Variants in AGBL1 observed in about 807,000 individuals in gnomAD.
AGBL1 encodes AGBL carboxypeptidase 1, also known as cytosolic carboxypeptidase 4.
A neutral mutation model predicts 118.9 loss-of-function variants in AGBL1; 130 were observed. The ratio of observed to expected loss-of-function variants is 1.09; its 90% CI spans 0.95 to 1.26. The LOEUF is 1.26. AGBL1 is among the 50% of genes most tolerant of loss of function. The pLI is 0.00. For synonymous variants in AGBL1, 555 were observed against 478.9 expected, an observed-to-expected ratio of 1.16 and a Z score of -2.08; for missense variants, 1,584 against 1,298.1, an observed-to-expected ratio of 1.22 and a Z score of -3.38.
At position 86,670,956 on chromosome 15, in the gene AGBL1, C is replaced by G. The variant is rs139347656; in HGVS notation, c.2995-3317C>G. 6.8e-3 allele frequency among the ~76,000 whole-genome samples: 1,036 copies of G among 152,074 alleles called. 9 individuals are homozygous for G. Among genetic ancestry groups the G allele is most frequent in the East Asian group, 0.021 (106 of 5,136 alleles). On this transcript the variant is annotated intron_variant, in intron 21 of 22. Coordinates refer to ENST00000614907, the MANE Select transcript of AGBL1 (RefSeq NM_001386094.1). ...TACTGGTTAGCTTTGCTTACTAATA[C>G]TGTGCAGACATAGGGACCTATATTT... is the stretch of plus-strand genomic sequence containing the variant.
intron 22 of AGBL1, among the ~76,000 whole-genome samples, chr15:86,904,493 G>A (rs2080254214): frequency 6.7e-6 from 1 of 150,188 alleles, no homozygotes; most frequent in Admixed American, 6.6e-5. Flanking sequence ...GGGCAAATAA[G>A]TGAGAGATAA....
At chr15:86,292,728 G>A (rs2079566942) in intron 16 of AGBL1, among the ~76,000 whole-genome samples, 1 of 152,100 alleles carries the variant, frequency 6.6e-6, no homozygotes, top group African/African-American at 2.4e-5. Context: ...TAAGATTGGT[G>A]GACACTGTAA....
intron 5 of AGBL1, among the ~76,000 whole-genome samples, chr15:86,198,023 G>A (rs1187701455): frequency 6.6e-6 from 1 of 152,150 alleles, no homozygotes; most frequent in African/African-American, 2.4e-5. Flanking sequence ...GTTTCAAGAG[G>A]CCAAGCTATC....
At chr15:86,783,207 T>G (rs1384928375) in intron 22 of AGBL1, among the ~76,000 whole-genome samples, 1 of 152,206 alleles carries the variant, frequency 6.6e-6, no homozygotes, top group Non-Finnish European at 1.5e-5. Context: ...TCCCTTCTTG[T>G]TAATCCATTT....
chr15:86,956,778 T>G (rs1179052488), intron 23 of AGBL1, among the ~76,000 whole-genome samples: 2 of 152,036 alleles, frequency 1.3e-5, no homozygotes, highest in Non-Finnish European at 2.9e-5. Flanking sequence ...GATTACTATT[T>G]AGCAATGAGA....
At chr15:86,528,352 C>T (rs2083297146) in intron 19 of AGBL1, among the ~76,000 whole-genome samples, 1 of 152,200 alleles carries the variant, frequency 6.6e-6, no homozygotes, top group African/African-American at 2.4e-5. Context: ...GTGACGGACG[C>T]ACCTGGAAAA....
chr15:86,685,971 T>G (rs2575873), intron 22 of AGBL1, among the ~76,000 whole-genome samples: 88 of 152,014 alleles, frequency 5.8e-4, no homozygotes, highest in Non-Finnish European at 1.2e-3. Flanking sequence ...GGGAAATATA[T>G]GTGAAAGTAA....
At chr15:86,501,219 T>C (rs925488820) in intron 18 of AGBL1, among the ~76,000 whole-genome samples, 5 of 151,690 alleles carry the variant, frequency 3.3e-5, no homozygotes, top group Non-Finnish European at 7.4e-5. Context: ...AAATGGTATC[T>C]TTTTGTAATT....
intron 23 of AGBL1, among the ~76,000 whole-genome samples, chr15:86,930,906 G>C (rs776150437): frequency 6.6e-6 from 1 of 152,172 alleles, no homozygotes; most frequent in Non-Finnish European, 1.5e-5. Context: ...CGAGATGTCT[G>C]ATTCCCTATA....
chr15:86,342,780 G>A (rs2080481100), intron 17 of AGBL1, among the ~76,000 whole-genome samples: 1 of 152,124 alleles, frequency 6.6e-6, no homozygotes, highest in Admixed American at 6.5e-5. Flanking sequence ...AATACCTGAT[G>A]TAAGTAGGTA....
At chr15:86,416,907 A>G (rs1321955317) in intron 18 of AGBL1, among the ~76,000 whole-genome samples, 1 of 152,238 alleles carries the variant, frequency 6.6e-6, no homozygotes, top group Admixed American at 6.5e-5. Flanking sequence ...TCAAAAGACA[A>G]TGGACTCTTC....
At chr15:86,193,060 C>A (rs1258446416) in intron 5 of AGBL1, among the ~76,000 whole-genome samples, 1 of 152,042 alleles carries the variant, frequency 6.6e-6, no homozygotes, top group African/African-American at 2.4e-5. Context: ...ATAAATATAA[C>A]TGCAGAAATG....
intron 18 of AGBL1, among the ~76,000 whole-genome samples, chr15:86,500,125 T>C (rs1272442430): frequency 1.3e-5 from 2 of 151,900 alleles, no homozygotes; most frequent in Non-Finnish European, 2.9e-5. Flanking sequence ...GCTATTTCCT[T>C]CTTCTAAAGA....
At chr15:86,954,527 TC>T (rs2141675443) in intron 23 of AGBL1, among the ~76,000 whole-genome samples, 1 of 152,268 alleles carries the variant, frequency 6.6e-6, no homozygotes, top group African/African-American at 2.4e-5. Flanking sequence ...GATGCCATAA[TC>T]CTAAGTGAAT....
intron 1 of AGBL1, among the ~76,000 whole-genome samples, chr15:86,116,242 C>T (rs1395209824): frequency 6.6e-6 from 1 of 152,164 alleles, no homozygotes; most frequent in Admixed American, 6.5e-5. Context: ...AAATGTAAGG[C>T]TCAGAAAGAT....
chr15:86,476,238 C>G (rs1394955643), intron 18 of AGBL1, among the ~76,000 whole-genome samples: 1 of 152,106 alleles, frequency 6.6e-6, no homozygotes, highest in Non-Finnish European at 1.5e-5. Context: ...CAATATTAAC[C>G]TTAAATGTAA....
chr15:86,776,722 A>G (rs914778671), intron 22 of AGBL1, among the ~76,000 whole-genome samples: 4 of 141,312 alleles, frequency 2.8e-5, no homozygotes, highest in African/African-American at 1.0e-4. Flanking sequence ...ATTCTCTGTG[A>G]ATCAATGGCT....
chr15:86,631,259 C>G (rs1033610333), intron 21 of AGBL1: 1 of 152,194 alleles, frequency 6.6e-6, no homozygotes, highest in African/African-American at 2.4e-5. Flanking sequence ...ACAGTTTCCT[C>G]TTGTCACAGC....
At chr15:86,083,783 T>A (rs955827353) in intron 1 of AGBL1, 1 of 152,154 alleles carries the variant, frequency 6.6e-6, no homozygotes, top group African/African-American at 2.4e-5. Context: ...CACTTGGGAC[T>A]TCTGCTTCCA....
Sources: allele counts gnomAD v4.1 joint callset (sites outside exome capture counted in the v4.1 genomes callset), GRCh38; gene constraint gnomAD v4.1.1; transcripts MANE v1.5; gene names NCBI Gene and HGNC (gene_info 2026-07-23, HGNC 2026-07-21).